Variants in SSH2 observed in about 807,000 individuals in gnomAD.
SSH2 encodes slingshot protein phosphatase 2, also known as protein phosphatase Slingshot homolog 2.
Under a neutral mutation model 135.2 loss-of-function variants are expected in SSH2, and 37 were observed. The observed-to-expected ratio is 0.27, with a 90% CI of 0.21 to 0.36. The LOEUF is 0.36. Among genes scored for constraint, SSH2 ranks in the 10% least tolerant of loss-of-function variants. The pLI is 1.00. For synonymous variants in SSH2, 628 were observed against 646.2 expected (o/e 0.97, Z 0.43); for missense variants, 1,408 against 1,765.3 (o/e 0.80, Z 3.63).
intron 2 of SSH2, among the ~76,000 whole-genome samples, chr17:29,832,742 C>A (rs1431049087): frequency 6.6e-6 from 1 of 152,178 alleles, no homozygotes; most frequent in African/African-American, 2.4e-5. Flanking sequence ...ATGATCTCAG[C>A]TCACTGCAAC....
chr17:29,649,224 C>T (rs1290872629), intron 13 of SSH2, among the ~76,000 whole-genome samples: 1 of 152,048 alleles, frequency 6.6e-6, no homozygotes, highest in African/African-American at 2.4e-5. Flanking sequence ...CTGATTCATG[C>T]TTGCAAAAGC....
rs185954255 is a variant in SSH2 at position 29,708,521 on chromosome 17, C to T, written c.189-5459G>A. 2.2e-3 allele frequency among the ~76,000 whole-genome samples: 315 copies of T among 143,636 alleles called. 1 individual carries two copies. The highest frequency in any genetic ancestry group is 7.4e-3 in the African/African-American group (286 of 38,850). 94.2% of individuals were successfully genotyped at this position (143,636 alleles called of 152,430 possible). A position where few individuals can be genotyped will look rare whatever the true frequency, so the allele number is the denominator to read the frequency against. On this transcript the variant is annotated intron_variant, in intron 3 of 15. Coordinates refer to ENST00000540801, the MANE Select transcript of SSH2 (RefSeq NM_001282129.2). ...AAGAGAATCACTGGAACCTGGGAGG[C>T]GGAGGTTGCAGTGAGCCGAGATTGT...
chr17:29,771,869 A>G (rs547870067), intron 3 of SSH2, among the ~76,000 whole-genome samples: 3 of 152,204 alleles, frequency 2.0e-5, no homozygotes, highest in African/African-American at 7.2e-5. Context: ...TTCACTTTCT[A>G]TGTCTTTCTT....
intron 1 of SSH2, among the ~76,000 whole-genome samples, chr17:29,876,291 A>C (rs1159503957): frequency 6.6e-6 from 1 of 152,180 alleles, no homozygotes; most frequent in African/African-American, 2.4e-5. Flanking sequence ...CCATGAAAAT[A>C]GACACATAGA....
At chr17:29,793,256 A>G (rs2042103259) in intron 3 of SSH2, among the ~76,000 whole-genome samples, 1 of 152,182 alleles carries the variant, frequency 6.6e-6, no homozygotes, top group Non-Finnish European at 1.5e-5. Flanking sequence ...CCTTCTAACA[A>G]CATGCCCACT....
At chr17:29,807,908 A>G (rs1270226499) in intron 2 of SSH2, among the ~76,000 whole-genome samples, 3 of 147,510 alleles carry the variant, frequency 2.0e-5, no homozygotes, top group African/African-American at 7.6e-5. Flanking sequence ...TAGTTTTTCC[A>G]AAGCCAGTGA....
intron 1 of SSH2, among the ~76,000 whole-genome samples, chr17:29,872,513 G>A (rs1040332285): frequency 6.6e-6 from 1 of 152,134 alleles, no homozygotes; most frequent in African/African-American, 2.4e-5. Context: ...CCAGCACTTT[G>A]GGAGGCTAAG....
intron 12 of SSH2, 30 bp downstream of exon 12, chr17:29,655,531 G>A (rs372995453): frequency 8.1e-6 from 13 of 1,609,182 alleles, no homozygotes; most frequent in Non-Finnish European, 1.1e-5. Flanking sequence ...CTGTTACACA[G>A]GGGTGCCAGC....
At chr17:29,678,413 T>C (rs1299798494) in intron 6 of SSH2, among the ~76,000 whole-genome samples, 4 of 152,108 alleles carry the variant, frequency 2.6e-5, no homozygotes, top group Non-Finnish European at 5.9e-5. Flanking sequence ...TGCCAATAAC[T>C]ATTGCTGGTT....
chr17:29,680,735 A>G (rs2037944534), intron 6 of SSH2, among the ~76,000 whole-genome samples: 1 of 152,016 alleles, frequency 6.6e-6, no homozygotes, highest in South Asian at 2.1e-4. Flanking sequence ...AGATGAGCGC[A>G]CAAAAAAATT....
intron 3 of SSH2, chr17:29,780,368 A>G (rs935950250): frequency 1.3e-5 from 2 of 152,220 alleles, no homozygotes; most frequent in Admixed American, 6.5e-5. Context: ...TTTTATTGCC[A>G]AATGGCTCAG....
intron 5 of SSH2, 112 bp downstream of exon 5, chr17:29,695,347 C>A (rs1276991097): frequency 4.2e-6 from 3 of 721,182 alleles, no homozygotes; most frequent in East Asian, 2.8e-5. Flanking sequence ...TATCTTCTCT[C>A]TTACTTCACA....
At chr17:29,779,809 TCAAAAAAAAAAA>T (rs1468829523) in intron 3 of SSH2, among the ~76,000 whole-genome samples, 1 of 10,762 alleles carries the variant, frequency 9.3e-5, no homozygotes, top group Non-Finnish European at 1.7e-4. Context: ...AGACTCTGTC[TCAAAAAAAAAAA>T]AAAAAAAAAA....
intron 6 of SSH2, among the ~76,000 whole-genome samples, chr17:29,679,480 T>C (rs1473944346): frequency 6.6e-6 from 1 of 152,138 alleles, no homozygotes; most frequent in Non-Finnish European, 1.5e-5. Flanking sequence ...TGATATCGGC[T>C]CACTGCAACC....
intron 2 of SSH2, among the ~76,000 whole-genome samples, chr17:29,833,218 A>ATC (rs1370385325): frequency 6.6e-6 from 1 of 152,094 alleles, no homozygotes; most frequent in African/African-American, 2.4e-5. Flanking sequence ...ATTGGGGTTC[A>ATC]TCTCTCTCTT....
At chr17:29,820,447 T>C (rs2042632316) in intron 2 of SSH2, among the ~76,000 whole-genome samples, 1 of 152,222 alleles carries the variant, frequency 6.6e-6, no homozygotes, top group South Asian at 2.1e-4. Context: ...GCTGCTGGTA[T>C]AAAACAGATC....
At chr17:29,761,133 G>C (rs1461792429) in intron 3 of SSH2, 8 of 1,288,558 alleles carry the variant, frequency 6.2e-6, no homozygotes, top group Middle Eastern at 4.2e-4. Flanking sequence ...GAGGCGGAGG[G>C]CGCGCGGCGG....
At chr17:29,761,013 AC>A in intron 3 of SSH2, 2 of 891,906 alleles carry the variant, frequency 2.2e-6, no homozygotes, top group Non-Finnish European at 3.1e-6. Context: ...CTCCAGACGC[AC>A]GGAGACCTCC....
At chr17:29,907,160 A>G (rs1374577485) in intron 1 of SSH2, among the ~76,000 whole-genome samples, 1 of 152,226 alleles carries the variant, frequency 6.6e-6, no homozygotes, top group African/African-American at 2.4e-5. Context: ...GTACATACAT[A>G]CCATGGAATA....
Sources: gnomAD v4.1 joint callset for allele counts (sites outside exome capture counted in the v4.1 genomes callset) on GRCh38, gnomAD v4.1.1 for gene constraint, MANE v1.5 for transcripts, NCBI Gene and HGNC (gene_info 2026-07-23, HGNC 2026-07-21) for gene names.